CAMTA1: variants seen among roughly 807,000 people sequenced by gnomAD.
CAMTA1 encodes the protein calmodulin-binding transcription activator 1.
CAMTA1 carries 27 observed loss-of-function variants against 170.9 expected under a neutral mutation model. That is an observed-to-expected ratio of 0.16 (90% confidence interval 0.12 to 0.22). CAMTA1 has a LOEUF of 0.22. Ranked by LOEUF, CAMTA1 falls within the 10% of genes least tolerant of loss-of-function variation. CAMTA1 has a pLI of 1.00. For missense variants in CAMTA1, 1,619 were observed against 2,217.2 expected (o/e 0.73, Z 5.42); for synonymous variants, 833 against 891.5 (o/e 0.93, Z 1.17).
At chr1:7,614,908 G>C (rs2150715545) in intron 6 of CAMTA1, among the ~76,000 whole-genome samples, 1 of 152,258 alleles carries the variant, frequency 6.6e-6, no homozygotes, top group African/African-American at 2.4e-5. Flanking sequence ...CTGGGGGGAG[G>C]GTACAGGGGT....
intron 4 of CAMTA1, among the ~76,000 whole-genome samples, chr1:7,120,302 G>A (rs760572187): frequency 4.6e-5 from 7 of 152,184 alleles, no homozygotes; most frequent in African/African-American, 1.4e-4. Flanking sequence ...TTGAGGCTAC[G>A]GTCTCATAGG....
intron 6 of CAMTA1, among the ~76,000 whole-genome samples, chr1:7,581,507 T>G (rs765461804): frequency 2.0e-5 from 3 of 152,094 alleles, no homozygotes; most frequent in Non-Finnish European, 2.9e-5. Context: ...ACAGAAACAA[T>G]GGTGGGGCTG....
chr1:7,369,529 G>A (rs185571433), intron 5 of CAMTA1, among the ~76,000 whole-genome samples: 1 of 152,252 alleles, frequency 6.6e-6, no homozygotes, highest in African/African-American at 2.4e-5. Context: ...TCAGCTGAGG[G>A]AAGAGACACA....
intron 5 of CAMTA1, among the ~76,000 whole-genome samples, chr1:7,390,399 C>T (rs978581946): frequency 2.6e-5 from 4 of 152,218 alleles, no homozygotes; most frequent in Admixed American, 6.5e-5. Context: ...CTATCTGGAC[C>T]CTTGTGATGG....
chr1:7,103,893 A>G (rs1240012446), intron 4 of CAMTA1, among the ~76,000 whole-genome samples: 2 of 150,002 alleles, frequency 1.3e-5, no homozygotes, highest in Non-Finnish European at 3.0e-5. Flanking sequence ...ATGTACACAC[A>G]ACACACAACT....
At chr1:7,360,097 G>T (rs2085428025) in intron 5 of CAMTA1, among the ~76,000 whole-genome samples, 1 of 152,118 alleles carries the variant, frequency 6.6e-6, no homozygotes, top group Admixed American at 6.5e-5. Context: ...CCCTGTGTGT[G>T]TGTCCAACCC....
chr1:6,930,438 A>T (rs1571819696), intron 3 of CAMTA1, among the ~76,000 whole-genome samples: 1 of 152,096 alleles, frequency 6.6e-6, no homozygotes, highest in African/African-American at 2.4e-5. Context: ...TCTAATTTCT[A>T]CTTCAGTCTT....
intron 3 of CAMTA1, among the ~76,000 whole-genome samples, chr1:7,058,954 C>T (rs1452613944): frequency 2.0e-5 from 3 of 152,114 alleles, no homozygotes; most frequent in African/African-American, 7.2e-5. Context: ...GCTCTGTAGG[C>T]CAAATTCTAG....
chr1:7,704,440 G>A (rs1338322928), intron 11 of CAMTA1, among the ~76,000 whole-genome samples: 1 of 146,186 alleles, frequency 6.8e-6, no homozygotes, highest in Non-Finnish European at 1.5e-5. Context: ...GAGCGGCGGG[G>A]ACCGCGTCGC....
chr1:7,269,525 G>A (rs1669389206), intron 5 of CAMTA1, among the ~76,000 whole-genome samples: 1 of 152,184 alleles, frequency 6.6e-6, no homozygotes, highest in African/African-American at 2.4e-5. Flanking sequence ...GATTACACAA[G>A]GGATTGAATA....
chr1:7,083,434 CT>C (rs1482307131), intron 3 of CAMTA1, among the ~76,000 whole-genome samples: 1 of 152,124 alleles, frequency 6.6e-6, no homozygotes, highest in Admixed American at 6.6e-5. Context: ...TGGTTTAGAC[CT>C]GTGGGTGGGG....
intron 5 of CAMTA1, among the ~76,000 whole-genome samples, chr1:7,348,949 C>G (rs2084435498): frequency 6.6e-6 from 1 of 152,146 alleles, no homozygotes; most frequent in Non-Finnish European, 1.5e-5. Context: ...TCTTCGGGCT[C>G]TCCTGGAGTC....
At chr1:7,450,606 C>T (rs1050599724) in intron 5 of CAMTA1, among the ~76,000 whole-genome samples, 1 of 152,244 alleles carries the variant, frequency 6.6e-6, no homozygotes, top group Non-Finnish European at 1.5e-5. Context: ...CTGCAAGATT[C>T]AATACCGCCC....
intron 12 of CAMTA1, among the ~76,000 whole-genome samples, chr1:7,735,226 G>A (rs530001316): frequency 3.3e-4 from 50 of 152,204 alleles, no homozygotes; most frequent in African/African-American, 1.2e-3. Flanking sequence ...GGCTGGGCGC[G>A]GTGGCTCATG....
intron 5 of CAMTA1, among the ~76,000 whole-genome samples, chr1:7,431,434 G>A (rs1165765081): frequency 2.0e-5 from 3 of 152,272 alleles, no homozygotes; most frequent in Admixed American, 6.5e-5. Context: ...ATTTCCACCC[G>A]GGAGTACAGG....
chr1:7,153,667 G>C (rs951463655), intron 4 of CAMTA1, among the ~76,000 whole-genome samples: 1 of 152,186 alleles, frequency 6.6e-6, no homozygotes, highest in African/African-American at 2.4e-5. Flanking sequence ...CTTTCTCACA[G>C]CAGACAGCCA....
intron 11 of CAMTA1, among the ~76,000 whole-genome samples, chr1:7,730,010 T>C (rs548176963): frequency 1.3e-5 from 2 of 152,372 alleles, no homozygotes; most frequent in African/African-American, 4.8e-5. Flanking sequence ...AGGAGAAATA[T>C]GTGGTCACAG....
chr1:7,617,550 G>T (rs1334695850), intron 6 of CAMTA1, among the ~76,000 whole-genome samples: 1 of 152,050 alleles, frequency 6.6e-6, no homozygotes, highest in Non-Finnish European at 1.5e-5. Flanking sequence ...AGCAAATAAG[G>T]CCTCAAAGCT....
intron 5 of CAMTA1, among the ~76,000 whole-genome samples, chr1:7,269,805 TGAA>T (rs1353089358): frequency 6.6e-6 from 1 of 152,142 alleles, no homozygotes; most frequent in Non-Finnish European, 1.5e-5. Flanking sequence ...GAAAAATAGT[TGAA>T]GAACAGGTGG....
Sources: allele counts gnomAD v4.1 joint callset (sites outside exome capture counted in the v4.1 genomes callset), GRCh38; gene constraint gnomAD v4.1.1; transcripts MANE v1.5; gene names NCBI Gene and HGNC (gene_info 2026-07-23, HGNC 2026-07-21).